The following SFXN1 variants were observed in gnomAD, a reference collection of about 807,000 sequenced individuals.
The protein encoded by SFXN1 is sideroflexin 1.
SFXN1 carries 32 observed loss-of-function variants against 39.5 expected under a neutral mutation model. That is an observed-to-expected ratio of 0.81 (90% CI 0.61 to 1.09). The LOEUF is 1.09. SFXN1 is among the 50% of genes least tolerant of loss of function. The pLI is 0.00. For synonymous variants in SFXN1, 136 were observed against 146.5 expected, an observed-to-expected ratio of 0.93 and a Z score of 0.52; for missense variants, 402 against 407.1, an observed-to-expected ratio of 0.99 and a Z score of 0.11.
At chr5:175,507,260 G>A (rs917401562) in intron 2 of SFXN1, among the ~76,000 whole-genome samples, 2 of 152,158 alleles carry the variant, frequency 1.3e-5, no homozygotes, top group Non-Finnish European at 1.5e-5. Context: ...CCAGTATGCC[G>A]TTTGGCATTT....
intron 8 of SFXN1, among the ~76,000 whole-genome samples, chr5:175,521,583 CA>C (rs1030920271): frequency 6.6e-6 from 1 of 152,212 alleles, no homozygotes; most frequent in Non-Finnish European, 1.5e-5. Flanking sequence ...ACCTTGGCAC[CA>C]GGCTGTCCTA....
intron 5 of SFXN1, 105 bp from the exon 6 acceptor site, chr5:175,512,006 A>G: frequency 9.5e-7 from 1 of 1,049,374 alleles, no homozygotes; most frequent in East Asian, 2.5e-5. Context: ...GTTTCTATGC[A>G]AATGGGACTC....
intron 2 of SFXN1, among the ~76,000 whole-genome samples, chr5:175,504,067 A>G (rs1244994600): frequency 2.0e-5 from 3 of 149,730 alleles, no homozygotes; most frequent in Non-Finnish European, 4.4e-5. Context: ...GGGTGGGGGA[A>G]GGGAGAGAGG....
chr5:175,526,499 GC>G (rs1761064218), intron 10 of SFXN1, 138 bp from the exon 11 acceptor site: 1 of 653,686 alleles, frequency 1.5e-6, no homozygotes, highest in African/African-American at 1.8e-5. Flanking sequence ...TCGTTTTCTA[GC>G]CGCATGAAGC....
chr5:175,503,607 G>A (rs1430208144), intron 2 of SFXN1, among the ~76,000 whole-genome samples: 1 of 152,172 alleles, frequency 6.6e-6, no homozygotes, highest in African/African-American at 2.4e-5. Context: ...CATAATGGGT[G>A]GTACTTCTTT....
At chr5:175,491,895 T>C (rs1759668949) in intron 1 of SFXN1, 200 bp from the exon 2 acceptor site, 4 of 457,458 alleles carry the variant, frequency 8.7e-6, no homozygotes, top group Non-Finnish European at 1.5e-5. Flanking sequence ...ACTATTGAAA[T>C]TTAGTTAAGA....
At chr5:175,519,739 T>C (rs898578521) in intron 8 of SFXN1, among the ~76,000 whole-genome samples, 2 of 152,126 alleles carry the variant, frequency 1.3e-5, no homozygotes, top group African/African-American at 4.8e-5. Context: ...ATTGTGCTTA[T>C]GGCTTCACAG....
intron 7 of SFXN1, among the ~76,000 whole-genome samples, chr5:175,515,465 AT>A (rs1760685004): frequency 6.6e-6 from 1 of 152,204 alleles, no homozygotes; most frequent in South Asian, 2.1e-4. Flanking sequence ...TCCTAGTGCA[AT>A]TTATAAGAGT....
chr5:175,504,250 T>G (rs1053939330), intron 2 of SFXN1, among the ~76,000 whole-genome samples: 15 of 152,040 alleles, frequency 9.9e-5, no homozygotes, highest in African/African-American at 3.6e-4. Context: ...CATGAGCCCT[T>G]TGTTTTTTTT....
intron 1 of SFXN1, chr5:175,491,676 G>A (rs1452552865): frequency 1.3e-5 from 2 of 153,172 alleles, no homozygotes; most frequent in African/African-American, 4.8e-5. Context: ...TTGTAGAGAT[G>A]GGGTCTTGCC....
chr5:175,497,654 C>T (rs890032571), intron 2 of SFXN1, among the ~76,000 whole-genome samples: 3 of 152,080 alleles, frequency 2.0e-5, no homozygotes, highest in Non-Finnish European at 4.4e-5. Flanking sequence ...CAGGGCCGGG[C>T]GCAGTGACTC....
chr5:175,485,920 A>G (rs1561651655), intron 1 of SFXN1, among the ~76,000 whole-genome samples: 1 of 152,212 alleles, frequency 6.6e-6, no homozygotes, highest in Non-Finnish European at 1.5e-5. Context: ...TCTGAATCAC[A>G]CTATTGTCGT....
intron 2 of SFXN1, among the ~76,000 whole-genome samples, chr5:175,502,338 G>A (rs1354538147): frequency 1.3e-5 from 2 of 152,118 alleles, no homozygotes; most frequent in Non-Finnish European, 2.9e-5. Context: ...AGGGGGTCTT[G>A]GGGGGTGTTA....
chr5:175,488,244 C>G (rs1255103426), intron 1 of SFXN1, among the ~76,000 whole-genome samples: 2 of 152,194 alleles, frequency 1.3e-5, no homozygotes, highest in African/African-American at 4.8e-5. Context: ...CCATCTCCCA[C>G]TTCCTCACTC....
chr5:175,513,622 T>C, intron 7 of SFXN1, 32 bp downstream of exon 7: 1 of 1,611,094 alleles, frequency 6.2e-7, no homozygotes, highest in South Asian at 1.1e-5. Flanking sequence ...ATTCCATAAA[T>C]ACAGGTTGAA....
At chr5:175,488,945 T>C (rs571621728) in intron 1 of SFXN1, among the ~76,000 whole-genome samples, 8 of 152,310 alleles carry the variant, frequency 5.3e-5, no homozygotes, top group African/African-American at 1.9e-4. Flanking sequence ...TTACTTATCT[T>C]TTGTGTTTTT....
In SFXN1 at chr5:175,510,061, C is replaced by A. The variant is rs6895398; in HGVS notation, c.336-48C>A. On this transcript the variant is annotated intron_variant, in intron 3 of 10. Coordinates refer to ENST00000321442, the MANE Select transcript of SFXN1 (RefSeq NM_022754.7). ...TGTTCACGTTTTCTGTTCCATGCCG[C>A]GGCTGGGCCCAGTGATGGTGGGTAT... The A allele has an allele frequency of 8.7e-3, 13,123 of 1,512,338 alleles. 901 individuals are homozygous for A. In the African/African-American group the frequency reaches 0.15, roughly 18 times the overall value. 93.7% of individuals were successfully genotyped at this position (1,512,338 alleles called of 1,614,324 possible). A position where few individuals can be genotyped will look rare whatever the true frequency, so the allele number is the denominator to read the frequency against.
At chr5:175,513,854 G>A in intron 7 of SFXN1, 1 of 315,432 alleles carries the variant, frequency 3.2e-6, no homozygotes, top group South Asian at 3.9e-5. Flanking sequence ...GTGGGTATCG[G>A]TGATGAATAT....
rs1381913380 is a variant in SFXN1 at position 175,524,123 on chromosome 5, AAAATATATATATATATATATAT to A, written c.872+1703_872+1724del. ...TGTCTCAAAAAAAAAAAAAAAAAAA[AAAATATATATATATATATATAT>A]ATATATATATATATATATATATATA... On this transcript the variant is annotated intron_variant, in intron 10 of 10. Coordinates refer to ENST00000321442, the MANE Select transcript of SFXN1 (RefSeq NM_022754.7). 5.7e-3 allele frequency: 145 copies of A among 25,498 alleles called. 1 individual carries two copies. The highest frequency in any genetic ancestry group is 0.012 in the African/African-American group (57 of 4,732). 1.6% of individuals were successfully genotyped at this position (25,498 alleles called of 1,614,324 possible).
Sources: allele counts gnomAD v4.1 joint callset (sites outside exome capture counted in the v4.1 genomes callset), GRCh38; gene constraint gnomAD v4.1.1; transcripts MANE v1.5; gene names NCBI Gene and HGNC (gene_info 2026-07-23, HGNC 2026-07-21).